Variants in CDON observed in about 807,000 individuals in gnomAD.
The protein encoded by CDON is cell adhesion associated, oncogene regulated.
A neutral mutation model predicts 120.9 loss-of-function variants in CDON; 73 were observed. The observed-to-expected ratio is 0.60, with a 90% CI of 0.50 to 0.73. CDON has a LOEUF of 0.73. Among genes scored for constraint, CDON ranks in the 30% least tolerant of loss-of-function variants. The pLI, the probability that CDON is intolerant of heterozygous loss-of-function variation, is 0.00. For missense variants in CDON, 1,470 were observed against 1,587.3 expected (o/e 0.93, Z 1.26); for synonymous variants, 566 against 573.5 (o/e 0.99, Z 0.19).
intron 14 of CDON, among the ~76,000 whole-genome samples, chr11:125,990,264 A>G (rs1946598769): frequency 2.0e-5 from 3 of 152,200 alleles, no homozygotes; most frequent in Admixed American, 1.3e-4. Context: ...GAACTGACAT[A>G]TGACCGAATG....
chr11:126,008,380 C>G (rs1392908046), intron 8 of CDON, among the ~76,000 whole-genome samples: 1 of 152,012 alleles, frequency 6.6e-6, no homozygotes, highest in African/African-American at 2.4e-5. Context: ...TCGGTTGGAT[C>G]TTAATAATTA....
chr11:126,043,538 T>A (rs147125291), intron 1 of CDON, among the ~76,000 whole-genome samples: 1 of 152,160 alleles, frequency 6.6e-6, no homozygotes, highest in Middle Eastern at 3.2e-3. Flanking sequence ...ACCAGTGACA[T>A]TGTTACCAAT....
chr11:126,033,980 T>C (rs1030646319), intron 1 of CDON, among the ~76,000 whole-genome samples: 2 of 152,148 alleles, frequency 1.3e-5, no homozygotes, highest in Non-Finnish European at 2.9e-5. Context: ...CAAAGTAAAG[T>C]TGCAGGATCT....
At chr11:126,015,209 GTTC>G (rs761149089) in intron 7 of CDON, 29 bp downstream of exon 7, 1 of 1,608,420 alleles carries the variant, frequency 6.2e-7, no homozygotes, top group South Asian at 1.1e-5. Context: ...TAAAATAAAA[GTTC>G]TTATGACTGG....
intron 17 of CDON, among the ~76,000 whole-genome samples, chr11:125,980,807 C>G (rs1946273533): frequency 6.6e-6 from 1 of 152,210 alleles, no homozygotes. Context: ...TGCTGGTATT[C>G]CACTTTCAGT....
At chr11:125,999,864 A>G (rs1946891862) in intron 11 of CDON, among the ~76,000 whole-genome samples, 1 of 152,212 alleles carries the variant, frequency 6.6e-6, no homozygotes, top group Non-Finnish European at 1.5e-5. Flanking sequence ...CACACAAGGC[A>G]TTCCCCACAG....
At chr11:125,984,205 G>C in intron 15 of CDON, 112 bp from the exon 16 acceptor site, 1 of 768,624 alleles carries the variant, frequency 1.3e-6, no homozygotes, top group Non-Finnish European at 2.2e-6. Flanking sequence ...GTTTACTCTT[G>C]TTACTGAGAT....
intron 1 of CDON, among the ~76,000 whole-genome samples, chr11:126,061,915 G>A (rs576009159): frequency 6.6e-6 from 1 of 152,304 alleles, no homozygotes; most frequent in South Asian, 2.1e-4. Context: ...GAAGGGAAGG[G>A]CAAGAGAGTC....
chr11:126,013,632 T>A (rs1213647746), intron 7 of CDON, among the ~76,000 whole-genome samples: 1 of 152,146 alleles, frequency 6.6e-6, no homozygotes, highest in Non-Finnish European at 1.5e-5. Context: ...GTAAGACTTG[T>A]ATTTATAGCC....
At chr11:126,029,198 T>C (rs1409429947) in intron 1 of CDON, among the ~76,000 whole-genome samples, 3 of 152,142 alleles carry the variant, frequency 2.0e-5, no homozygotes, top group Non-Finnish European at 4.4e-5. Context: ...CACTCTCTAT[T>C]AGGGATTTTT....
At chr11:126,027,441 T>C (rs1411694380) in intron 1 of CDON, among the ~76,000 whole-genome samples, 1 of 152,226 alleles carries the variant, frequency 6.6e-6, no homozygotes, top group Non-Finnish European at 1.5e-5. Context: ...CCCTTAATAT[T>C]AGTGTTATGG....
At chr11:126,003,591 T>G (rs1006194455) in intron 10 of CDON, among the ~76,000 whole-genome samples, 5 of 152,030 alleles carry the variant, frequency 3.3e-5, no homozygotes, top group Admixed American at 2.0e-4. Flanking sequence ...GAGGCTGAGG[T>G]GGGCGGATCA....
chr11:126,010,181 TAAA>T (rs1947249282), intron 8 of CDON, among the ~76,000 whole-genome samples, 157 bp downstream of exon 8: 1 of 152,158 alleles, frequency 6.6e-6, no homozygotes, highest in Non-Finnish European at 1.5e-5. Flanking sequence ...GTGATTCACA[TAAA>T]GTGAAATACC....
intron 18 of CDON, among the ~76,000 whole-genome samples, chr11:125,966,870 G>GT (rs1945815226): frequency 6.6e-6 from 1 of 150,754 alleles, no homozygotes; most frequent in African/African-American, 2.4e-5. Context: ...TCAATTAGAG[G>GT]TTAAAAAAAA....
intron 7 of CDON, chr11:126,010,934 AATATAT>A: frequency 1.8e-6 from 1 of 559,662 alleles, no homozygotes; most frequent in Middle Eastern, 2.7e-4. Flanking sequence ...GAAAGAAAGG[AATATAT>A]ATAAAGAAAT....
intron 1 of CDON, among the ~76,000 whole-genome samples, chr11:126,043,461 T>C (rs985642473): frequency 6.6e-6 from 1 of 152,216 alleles, no homozygotes; most frequent in African/African-American, 2.4e-5. Flanking sequence ...TTTGCTTTGC[T>C]GGGCGTTTTG....
intron 13 of CDON, among the ~76,000 whole-genome samples, 168 bp from the exon 14 acceptor site, chr11:125,994,557 T>C (rs1258582057): frequency 6.6e-6 from 1 of 152,232 alleles, no homozygotes; most frequent in Non-Finnish European, 1.5e-5. Context: ...TTTAGCTTAT[T>C]GCGAGGTTAA....
chr11:126,003,928 G>A lies in CDON; in HGVS notation c.2000C>T (p.Ala667Val). The A allele has an allele frequency of 6.2e-7, 1 of 1,614,122 alleles. No individual in the cohort carries two copies. The change falls in exon 10 of 20, where the codon GCC becomes GTC. Residue 667 changes from alanine to valine, a missense_variant. Ala to Val is a moderately conservative substitution (Grantham distance 64). Coordinates refer to ENST00000531738, the MANE Select transcript of CDON (RefSeq NM_001378964.1). ...TTTGCTGGTTCGGAAGGTAAGCATG[G>A]CAGGTTGGCCTTCACCTGCTGCGCT... ...ARSAAGEGQP[A>V]MLTFRTSKEK...
At chr11:126,010,868 G>C in intron 7 of CDON, 174 bp from the exon 8 acceptor site, 1 of 671,590 alleles carries the variant, frequency 1.5e-6, no homozygotes, top group Non-Finnish European at 2.7e-6. Flanking sequence ...AAATGGTAGA[G>C]TTGTTTCATA....
Sources: gnomAD v4.1 joint callset for allele counts (sites outside exome capture counted in the v4.1 genomes callset) on GRCh38, gnomAD v4.1.1 for gene constraint, MANE v1.5 for transcripts, NCBI Gene and HGNC (gene_info 2026-07-23, HGNC 2026-07-21) for gene names.